Variants in PMFBP1 observed in about 807,000 individuals in gnomAD.
PMFBP1 encodes polyamine modulated factor 1 binding protein 1.
Under a neutral mutation model 137.8 loss-of-function variants are expected in PMFBP1, and 131 were observed. The ratio of observed to expected loss-of-function variants is 0.95; its 90% CI spans 0.82 to 1.10. PMFBP1 has a LOEUF of 1.10. Among genes scored for constraint, PMFBP1 ranks in the 50% least tolerant of loss-of-function variants. The probability of loss-of-function intolerance (pLI) is 0.00; values close to 1 mark genes in which losing one functional copy is unlikely to be tolerated. For missense variants in PMFBP1, 1,199 were observed against 1,175.4 expected (o/e 1.02, Z -0.29); for synonymous variants, 490 against 450.4 (o/e 1.09, Z -1.11).
At position 72,154,218 on chromosome 16, in the gene PMFBP1, T is replaced by A; in HGVS notation, c.407A>T (p.Glu136Val). The stretch of plus-strand genomic sequence containing the variant: ...TGGTTAATCTGTCTATACCTCATCT[T>A]CTTTCAGTTTGCAGTGATGGTGCAG... ...VLLHHHCKLK[E>V]DEVILYEEEM... Residue 136 changes from glutamate to valine, a missense_variant, in exon 4 of 21, where the codon GAA becomes GTA. Transcript: ENST00000237353. 6.2e-7 allele frequency: 1 copy of A among 1,614,052 alleles called. No homozygotes were observed. The highest frequency in any genetic ancestry group is 8.5e-7 in the Non-Finnish European group (1 of 1,179,984).
At chr16:72,247,587 G>C in the PMFBP1 span, among the ~76,000 whole-genome samples, 1 of 152,200 alleles carries the variant, frequency 6.6e-6, no homozygotes, top group Non-Finnish European at 1.5e-5. Flanking sequence ...AGGATTCAGT[G>C]ACAAGGTGCA....
At chr16:72,129,264 G>A in intron 12 of PMFBP1, 31 bp from the exon 13 acceptor site, 1 of 1,595,168 alleles carries the variant, frequency 6.3e-7, no homozygotes, top group Non-Finnish European at 8.5e-7. Flanking sequence ...CTGAAAGACT[G>A]TCTTAGACTA....
At chr16:72,157,004 G>A (rs1291968268) in intron 3 of PMFBP1, among the ~76,000 whole-genome samples, 1 of 151,032 alleles carries the variant, frequency 6.6e-6, no homozygotes, top group African/African-American at 2.4e-5. Flanking sequence ...TGGCTAACAC[G>A]GTGAAACCCC....
chr16:72,136,424 C>T, intron 9 of PMFBP1, 24 bp downstream of exon 9: 1 of 1,608,116 alleles, frequency 6.2e-7, no homozygotes, highest in Non-Finnish European at 8.5e-7. Flanking sequence ...CATTGGGAAC[C>T]CCAACCAGAG....
At chr16:72,204,278 C>T in the PMFBP1 span, among the ~76,000 whole-genome samples, 3 of 151,522 alleles carry the variant, frequency 2.0e-5, no homozygotes, top group Admixed American at 2.0e-4. Context: ...GCCTCAACAT[C>T]GTGGGCTCAA....
chr16:72,175,007 C>G (rs1488899422), upstream of PMFBP1, among the ~76,000 whole-genome samples: 1 of 152,210 alleles, frequency 6.6e-6, no homozygotes, highest in Non-Finnish European at 1.5e-5. Context: ...CACATGCACA[C>G]ACATACCACA....
At chr16:72,228,954 C>T in the PMFBP1 span, among the ~76,000 whole-genome samples, 1 of 151,522 alleles carries the variant, frequency 6.6e-6, no homozygotes, top group Admixed American at 6.6e-5. Flanking sequence ...ATTTTATCAC[C>T]CGTAATAAGC....
the PMFBP1 span, among the ~76,000 whole-genome samples, chr16:72,198,276 C>T: frequency 8.1e-4 from 123 of 152,280 alleles, no homozygotes; most frequent in African/African-American, 2.8e-3. Context: ...TAACCTCAAT[C>T]GCTTCCAGCT....
intron 12 of PMFBP1, among the ~76,000 whole-genome samples, chr16:72,129,883 G>C (rs1238563978): frequency 6.6e-6 from 1 of 152,066 alleles, no homozygotes; most frequent in South Asian, 2.1e-4. Flanking sequence ...GTCTCACTCT[G>C]TCACCTAGGC....
intron 18 of PMFBP1, 36 bp from the exon 19 acceptor site, chr16:72,123,024 C>G: frequency 1.3e-6 from 2 of 1,584,780 alleles, no homozygotes; most frequent in Non-Finnish European, 1.7e-6. Context: ...AGCAGCCAGT[C>G]GCCAGCCTCC....
At chr16:72,180,381 C>A (rs2043271991), upstream of PMFBP1, among the ~76,000 whole-genome samples, 1 of 152,128 alleles carries the variant, frequency 6.6e-6, no homozygotes, top group South Asian at 2.1e-4. Flanking sequence ...TTTTCACAAG[C>A]ATCCTTCAGT....
chr16:72,151,024 C>T (rs2042894901), intron 4 of PMFBP1, among the ~76,000 whole-genome samples, 195 bp from the exon 5 acceptor site: 2 of 152,172 alleles, frequency 1.3e-5, no homozygotes, highest in South Asian at 4.1e-4. Flanking sequence ...AAAAAGGTGG[C>T]CCTAGTTAGA....
At position 72,134,687 on chromosome 16, in the gene PMFBP1, C is replaced by T. The variant is rs1338534917; in HGVS notation, c.1204-1696G>A. Among the ~76,000 whole-genome samples the T allele has an allele frequency of 4.6e-5, 7 of 152,214 alleles. No individual in the cohort carries two copies. The East Asian group carries it at 1.3e-3, about 29-fold the overall frequency. ...CTGGAACACTCCAAGCAGACCCCAC[C>T]TCAGTGCCTTTGCACTTGCTATTCC... On this transcript the variant is annotated intron_variant, in intron 9 of 20. Coordinates refer to ENST00000237353, the MANE Select transcript of PMFBP1 (RefSeq NM_031293.3).
the PMFBP1 span, among the ~76,000 whole-genome samples, chr16:72,205,532 G>T: frequency 0.2 from 30,419 of 152,154 alleles, 3,500 homozygotes; most frequent in African/African-American, 0.32. Flanking sequence ...CCCCAACACA[G>T]CCCAGGCCTG....
chr16:72,122,068 A>AC (rs2042384605), intron 19 of PMFBP1, among the ~76,000 whole-genome samples: 1 of 151,838 alleles, frequency 6.6e-6, no homozygotes, highest in African/African-American at 2.4e-5. Flanking sequence ...CCTCTGACAG[A>AC]CCCCATTGTC....
intron 3 of PMFBP1, among the ~76,000 whole-genome samples, chr16:72,157,568 T>A (rs942943431): frequency 1.3e-5 from 2 of 152,076 alleles, no homozygotes; most frequent in Non-Finnish European, 2.9e-5. Flanking sequence ...GGGGGAAAGC[T>A]GTGCCTGATG....
chr16:72,134,039 C>T (rs767268982), intron 9 of PMFBP1, among the ~76,000 whole-genome samples: 61 of 152,246 alleles, frequency 4.0e-4, no homozygotes, highest in Non-Finnish European at 6.2e-4. Context: ...ATCGCTTGAA[C>T]CTGGGAGGTT....
chr16:72,128,102 A>T (rs1241068140), intron 14 of PMFBP1, among the ~76,000 whole-genome samples: 3 of 152,220 alleles, frequency 2.0e-5, no homozygotes, highest in African/African-American at 7.2e-5. Context: ...CTGGTCAGTG[A>T]CTTTGGCCCT....
intron 4 of PMFBP1, among the ~76,000 whole-genome samples, chr16:72,151,767 G>C (rs2042905990): frequency 6.6e-6 from 1 of 152,176 alleles, no homozygotes; most frequent in African/African-American, 2.4e-5. Context: ...AACCAAAGCT[G>C]TCAGTGGCCA....
Sources: gnomAD v4.1 joint callset for allele counts (sites outside exome capture counted in the v4.1 genomes callset) on GRCh38, gnomAD v4.1.1 for gene constraint, MANE v1.5 for transcripts, NCBI Gene and HGNC (gene_info 2026-07-23, HGNC 2026-07-21) for gene names.